The following AGAP1 variants were observed in gnomAD, a reference collection of about 807,000 sequenced individuals.
AGAP1 encodes the protein ArfGAP with GTPase domain, ankyrin repeat and PH domain 1.
AGAP1 carries 29 observed loss-of-function variants against 105.3 expected under a neutral mutation model. The ratio of observed to expected loss-of-function variants is 0.28; its 90% CI spans 0.21 to 0.38. AGAP1 has a LOEUF of 0.38. Among genes scored for constraint, AGAP1 ranks in the 10% least tolerant of loss-of-function variants. The pLI, the probability that AGAP1 is intolerant of heterozygous loss-of-function variation, is 1.00. For missense variants in AGAP1, 998 were observed against 1,165.1 expected (o/e 0.86, Z 2.09); for synonymous variants, 509 against 485.9 (o/e 1.05, Z -0.63).
rs1945693079 is a variant in AGAP1 at position 235,600,514 on chromosome 2, T to C, written c.163+105665T>C. Among the ~76,000 whole-genome samples the C allele has an allele frequency of 6.6e-6, 1 of 151,988 alleles. No individual in the cohort carries two copies. Among genetic ancestry groups the C allele is most frequent in the South Asian group, 2.1e-4 (1 of 4,822 alleles). On this transcript the variant is annotated intron_variant, in intron 1 of 17. Coordinates refer to ENST00000304032, the MANE Select transcript of AGAP1 (RefSeq NM_001037131.3). This position sits in a 1 kb window ranked among gnomAD's most constrained non-coding sequence, Gnocchi z 4.8. ...TGGAACCAATAGGCCAGATATGTAA[T>C]AAAGGGGAGTTTATTAAGGAGTATT...
In AGAP1 at chr2:236,000,595, G is replaced by A. The variant is rs2056076832; in HGVS notation, c.1645+31972G>A. Among the ~76,000 whole-genome samples, 1 of 152,180 alleles carries A rather than the reference G, an allele frequency of 6.6e-6. No individual in the cohort carries two copies. Among genetic ancestry groups the A allele is most frequent in the Admixed American group, 6.5e-5 (1 of 15,286 alleles). On this transcript the variant is annotated intron_variant, in intron 13 of 17. Coordinates refer to ENST00000304032, the MANE Select transcript of AGAP1 (RefSeq NM_001037131.3). The surrounding 1 kb of genome is among the most constrained non-coding windows in gnomAD (Gnocchi z 4.3). ...CTGTGCAGAGGCTGGGCGAACACCA[G>A]CCCGAGCCTGACTTAAGCAGGATGG...
chr2:235,565,937 C>G (rs1944332568), intron 1 of AGAP1, among the ~76,000 whole-genome samples: 1 of 152,122 alleles, frequency 6.6e-6, no homozygotes, highest in Admixed American at 6.5e-5. Flanking sequence ...TGTTTTGCCA[C>G]TAAACTATTG....
Position 235,608,047 on chromosome 2 carries a change from T to A in AGAP1, c.164-101132T>A, listed in dbSNP as rs1392210826. Among the ~76,000 whole-genome samples the A allele has an allele frequency of 6.6e-6, 1 of 152,192 alleles. No homozygotes were observed. The highest frequency in any genetic ancestry group is 1.9e-4 in the East Asian group (1 of 5,180). On this transcript the variant is annotated intron_variant, in intron 1 of 17. Coordinates refer to ENST00000304032, the MANE Select transcript of AGAP1 (RefSeq NM_001037131.3). The surrounding 1 kb of genome is among the most constrained non-coding windows in gnomAD (Gnocchi z 5.4). Reference sequence around the variant, plus strand: ...GGATGCTGAAGAGATTACCCCTGACTTCATAGTCTGCCTGTCTCAGAGCGT... The same window carrying A: ...GGATGCTGAAGAGATTACCCCTGACATCATAGTCTGCCTGTCTCAGAGCGT...
Position 236,009,226 on chromosome 2 carries a change from T to C in AGAP1, c.1646-27335T>C, listed in dbSNP as rs567657348. On this transcript the variant is annotated intron_variant, in intron 13 of 17. Coordinates refer to ENST00000304032, the MANE Select transcript of AGAP1 (RefSeq NM_001037131.3). This position sits in a 1 kb window ranked among gnomAD's most constrained non-coding sequence, Gnocchi z 4.2. ...AGAGAACAGAACATTTACACCGTCTTGTTGAGCAAATGAACGTTCAAATGG... is the reference window on the plus strand; with the variant it reads ...AGAGAACAGAACATTTACACCGTCTCGTTGAGCAAATGAACGTTCAAATGG... 6.6e-6 allele frequency among the ~76,000 whole-genome samples: 1 copy of C among 152,342 alleles called. No homozygotes were observed. Among genetic ancestry groups the C allele is most frequent in the Admixed American group, 6.5e-5 (1 of 15,306 alleles).
chr2:235,903,164 CA>C (rs1318837454), intron 10 of AGAP1, among the ~76,000 whole-genome samples: 1 of 152,130 alleles, frequency 6.6e-6, no homozygotes, highest in Non-Finnish European at 1.5e-5. Flanking sequence ...TATTTCTCAA[CA>C]TACATGTACA....
rs1200357584 is a variant in AGAP1 at position 235,714,766 on chromosome 2, C to T, written c.223-2791C>T. On this transcript the variant is annotated intron_variant, in intron 2 of 17. Coordinates refer to ENST00000304032, the MANE Select transcript of AGAP1 (RefSeq NM_001037131.3). The surrounding 1 kb of genome is among the most constrained non-coding windows in gnomAD (Gnocchi z 4.1). ...TCCACACTGTCATGCCAAATTTGTT[C>T]TCTTATATGTTTGTTTGTTTTCTTT... Among the ~76,000 whole-genome samples, 1 of 151,970 alleles carries T rather than the reference C, an allele frequency of 6.6e-6. No homozygotes were observed. The highest frequency in any genetic ancestry group is 1.5e-5 in the Non-Finnish European group (1 of 67,972).
At chr2:235,775,008 T>A (rs1955753017) in intron 6 of AGAP1, among the ~76,000 whole-genome samples, 1 of 152,100 alleles carries the variant, frequency 6.6e-6, no homozygotes, top group Non-Finnish European at 1.5e-5. Flanking sequence ...ATGGAAGAGA[T>A]TCCCCTGTAA....
chr2:235,547,731 G>C (rs1667006224), intron 1 of AGAP1, among the ~76,000 whole-genome samples: 1 of 152,160 alleles, frequency 6.6e-6, no homozygotes, highest in Admixed American at 6.5e-5. Flanking sequence ...GACCTCAAAT[G>C]GTCTGCCCTC....
chr2:235,989,522 G>A lies in AGAP1; in HGVS notation c.1645+20899G>A, dbSNP rs961626661. On this transcript the variant is annotated intron_variant, in intron 13 of 17. Coordinates refer to ENST00000304032, the MANE Select transcript of AGAP1 (RefSeq NM_001037131.3). This position sits in a 1 kb window ranked among gnomAD's most constrained non-coding sequence, Gnocchi z 4.4. ...TGCCCTAGGGAGGCAGCCCCAGGCA[G>A]GGCCTGGGCACACTGGTGGCGTAGC... Among the ~76,000 whole-genome samples, 1 of 152,178 alleles carries A rather than the reference G, an allele frequency of 6.6e-6. No homozygotes were observed. Among genetic ancestry groups the A allele is most frequent in the African/African-American group, 2.4e-5 (1 of 41,442 alleles).
chr2:236,033,465 G>T (rs562597830), intron 13 of AGAP1, among the ~76,000 whole-genome samples: 6 of 152,342 alleles, frequency 3.9e-5, no homozygotes, highest in African/African-American at 1.2e-4. Flanking sequence ...TTTTGTCTTT[G>T]CATGAGATAC....
rs549167439 is a variant in AGAP1 at position 235,877,073 on chromosome 2, C to T, written c.1051-6272C>T. On this transcript the variant is annotated intron_variant, in intron 9 of 17. Coordinates refer to ENST00000304032, the MANE Select transcript of AGAP1 (RefSeq NM_001037131.3). This position sits in a 1 kb window ranked among gnomAD's most constrained non-coding sequence, Gnocchi z 4.3. The stretch of plus-strand genomic sequence containing the variant: ...ATTTGGTCAGGCTGGTCTCAAACTC[C>T]TGACCTCATGATCCACCCGCCTCGG... 5.9e-5 allele frequency among the ~76,000 whole-genome samples: 9 copies of T among 152,160 alleles called. No homozygotes were observed. The East Asian group carries it at 1.6e-3, about 26-fold the overall frequency.
intron 9 of AGAP1, among the ~76,000 whole-genome samples, chr2:235,854,998 G>T (rs2048627298): frequency 6.6e-6 from 1 of 152,192 alleles, no homozygotes; most frequent in African/African-American, 2.4e-5. Context: ...GGCCCGCCAT[G>T]AGGTCTGCCT....
rs558037871 is a variant in AGAP1 at position 235,936,738 on chromosome 2, G to C, written c.1483+5815G>C. ...TTTGATGGGAGGGTATCAGTGAAGC[G>C]TGGTGGGGAGGAAATACATGTGTTG... On this transcript the variant is annotated intron_variant, in intron 12 of 17. Coordinates refer to ENST00000304032, the MANE Select transcript of AGAP1 (RefSeq NM_001037131.3). This position sits in a 1 kb window ranked among gnomAD's most constrained non-coding sequence, Gnocchi z 4.7. Among the ~76,000 whole-genome samples, 2 of 152,178 alleles carry C rather than the reference G, an allele frequency of 1.3e-5. No individual in the cohort carries two copies. Among genetic ancestry groups the C allele is most frequent in the African/African-American group, 4.8e-5 (2 of 41,440 alleles).
chr2:235,806,079 C>G (rs961124769), intron 8 of AGAP1, among the ~76,000 whole-genome samples: 32 of 152,266 alleles, frequency 2.1e-4, no homozygotes, highest in African/African-American at 7.2e-4. Flanking sequence ...CCCATCAGCC[C>G]TTGTTTGTAT....
chr2:235,810,814 GGT>G (rs1958094834), intron 9 of AGAP1, among the ~76,000 whole-genome samples: 1 of 148,840 alleles, frequency 6.7e-6, no homozygotes, highest in South Asian at 2.2e-4. Flanking sequence ...GGAGGAGGTT[GGT>G]TCAGAGAATT....
chr2:235,797,870 C>T lies in AGAP1; in HGVS notation c.785C>T (p.Ala262Val). ...HSSVCSAQVS[A>V]VHISQTSNGG... ...TCCGTCTGTTCCGCGCAGGTGTCTG[C>T]CGTGCACATCAGCCAGGTACGTTAG... Residue 262 changes from alanine to valine, a missense_variant, in exon 7 of 18, where the codon GCC (alanine) becomes GTC (valine). Ala to Val is a moderately conservative substitution (Grantham distance 64). Coordinates refer to ENST00000304032, the MANE Select transcript of AGAP1 (RefSeq NM_001037131.3). The T allele has an allele frequency of 6.2e-7, 1 of 1,614,176 alleles. No homozygotes were observed. Among genetic ancestry groups the T allele is most frequent in the South Asian group, 1.1e-5 (1 of 91,074 alleles).
chr2:235,955,378 A>G (rs967782853), intron 12 of AGAP1, among the ~76,000 whole-genome samples: 3 of 152,070 alleles, frequency 2.0e-5, no homozygotes, highest in African/African-American at 7.2e-5. Flanking sequence ...ACATCCTTAC[A>G]CACCGTTGGT....
At chr2:235,859,112 C>T (rs57363986) in intron 9 of AGAP1, among the ~76,000 whole-genome samples, 4,002 of 152,188 alleles carry the variant, frequency 0.026, 150 homozygotes, top group African/African-American at 0.086. Context: ...TGGTGCTCGG[C>T]GGCTGCTGAC....
chr2:235,606,963 A>T (rs1161895139), intron 1 of AGAP1, among the ~76,000 whole-genome samples: 2 of 151,856 alleles, frequency 1.3e-5, no homozygotes, highest in East Asian at 3.9e-4. Flanking sequence ...AAAAAAAAAA[A>T]AAAAAGCACT....
Sources: gnomAD v4.1 joint callset for allele counts (sites outside exome capture counted in the v4.1 genomes callset) on GRCh38, gnomAD v4.1.1 for gene constraint, Gnocchi (gnomAD v3.1) non-coding constraint, MANE v1.5 for transcripts, NCBI Gene and HGNC (gene_info 2026-07-23, HGNC 2026-07-21) for gene names.